The following SHOX2 variants were observed in gnomAD, a reference collection of about 807,000 sequenced individuals.
SHOX2 encodes the protein SHOX homeobox 2.
Under a neutral mutation model 31.3 loss-of-function variants are expected in SHOX2, and 13 were observed. The ratio of observed to expected loss-of-function variants is 0.42; its 90% CI spans 0.27 to 0.66. The LOEUF (loss-of-function observed/expected upper bound fraction) is 0.66, where lower values mean the gene tolerates loss of function less well. Among genes scored for constraint, SHOX2 ranks in the 30% least tolerant of loss-of-function variants. The probability of loss-of-function intolerance (pLI) is 0.27; values close to 1 mark genes in which losing one functional copy is unlikely to be tolerated. For missense variants in SHOX2, 473 were observed against 443.0 expected, an observed-to-expected ratio of 1.07 and a Z score of -0.61; for synonymous variants, 244 against 196.2, an observed-to-expected ratio of 1.24 and a Z score of -2.04.
chr3:158,101,914 A>G (rs1421651165), intron 2 of SHOX2, among the ~76,000 whole-genome samples: 2 of 152,310 alleles, frequency 1.3e-5, no homozygotes, highest in Admixed American at 6.5e-5. Context: ...TTTTGCTATT[A>G]CATTTGCCTC....
chr3:158,101,176 A>G (rs1713464130), intron 2 of SHOX2, among the ~76,000 whole-genome samples: 1 of 152,250 alleles, frequency 6.6e-6, no homozygotes, highest in African/African-American at 2.4e-5. Flanking sequence ...ATAATAAAGC[A>G]TATTGATTGA....
At position 158,102,733 on chromosome 3, in the gene SHOX2, G is replaced by T; in HGVS notation, c.500C>A (p.Ala167Asp). The change falls in exon 2 of 5, where the codon GCC becomes GAC. Residue 167 changes from alanine (A) to aspartate (D), a missense_variant. Around this residue, in one of 3 missense-constraint regions of SHOX2, gnomAD observed 15 missense variants for 45.8 expected, o/e 0.33. Transcript: ENST00000483851. ...CTGGCTCAGTTCCTCTCGCATGAAG[G>T]CGTCGGGATAGTGGGTCTCGTCAAA... is the stretch of plus-strand genomic sequence containing the variant. Reference protein sequence around the residue: ...RLFDETHYPDAFMREELSQRL... With the variant: ...RLFDETHYPDDFMREELSQRL... 6.2e-7 allele frequency: 1 copy of T among 1,614,118 alleles called. No individual in the cohort carries two copies. Among genetic ancestry groups the T allele is most frequent in the Non-Finnish European group, 8.5e-7 (1 of 1,180,046 alleles).
At chr3:158,099,682 G>A (rs1713366446) in intron 4 of SHOX2, among the ~76,000 whole-genome samples, 178 bp downstream of exon 4, 1 of 152,172 alleles carries the variant, frequency 6.6e-6, no homozygotes, top group African/African-American at 2.4e-5. Flanking sequence ...TAGGCATTCA[G>A]GCCTTTAATA....
rs763323181 is a variant in SHOX2, at chr3:158,105,957, A to G, written c.68T>C (p.Ile23Thr). Residue 23 changes from isoleucine to threonine, a missense_variant, in exon 1 of 5, where the codon ATC becomes ACC. By Grantham distance (89) the Ile-to-Thr change is moderately conservative. Coordinates refer to ENST00000483851, the MANE Select transcript of SHOX2 (RefSeq NM_001163678.2). Reference sequence around the variant, plus strand: ...GCTCTCCAGCACCTCCCGGTACGTGATCGCCTCCTTCTTCTCCTTCACTTT... The same window carrying G: ...GCTCTCCAGCACCTCCCGGTACGTGGTCGCCTCCTTCTTCTCCTTCACTTT... ...DQKVKEKKEA[I>T]TYREVLESGP... 54 of 1,612,402 alleles carry G rather than the reference A, an allele frequency of 3.3e-5. No homozygotes were observed. The highest frequency in any genetic ancestry group is 4.4e-5 in the Non-Finnish European group (52 of 1,179,674).
At position 158,098,344 on chromosome 3, in the gene SHOX2, C is replaced by A. The variant is rs1713271399; in HGVS notation, c.703-60G>T. ...TCCTAGGGTGACAACAGAATAGAAA[C>A]AGAGCATTAACGGCGTCCAGCTTGG... On this transcript the variant is annotated intron_variant, in intron 4 of 4. Coordinates refer to ENST00000483851, the MANE Select transcript of SHOX2 (RefSeq NM_001163678.2). 3 of 1,579,872 alleles carry A rather than the reference C, an allele frequency of 1.9e-6. No individual in the cohort carries two copies. In the Admixed American group the frequency reaches 5.2e-5, roughly 28 times the overall value.
chr3:158,106,010 C>A lies in SHOX2; in HGVS notation c.15G>T (p.Thr5=), dbSNP rs868566969. ...GGTCAAAAGACTTGGAGACGAACGC[C>A]GTAAGTTCTTCCATCGCCGCCGCAC... MEEL[T]AFVSKSFDQK... Residue 5 remains threonine, a synonymous_variant, in exon 1 of 5, where the codon ACG becomes ACT. Transcript: ENST00000483851. The A allele has an allele frequency of 2.5e-6, 4 of 1,612,922 alleles. No individual in the cohort carries two copies. Among genetic ancestry groups the A allele is most frequent in the Admixed American group, 3.3e-5 (2 of 59,978 alleles).
Position 158,096,126 on chromosome 3 carries a change from G to A in SHOX2, c.*1901C>T, listed in dbSNP as rs941155113. ...GCGACACATTTTGTACTGACAACAC[G>A]TCATGAGATAACATCTTTTGTTTAA... is the stretch of plus-strand genomic sequence containing the variant. On this transcript the variant is annotated 3_prime_UTR_variant, in exon 5 of 5. Coordinates refer to ENST00000483851, the MANE Select transcript of SHOX2 (RefSeq NM_001163678.2). 1 of 152,564 alleles carries A rather than the reference G, an allele frequency of 6.6e-6. No individual in the cohort carries two copies. The highest frequency in any genetic ancestry group is 2.4e-5 in the African/African-American group (1 of 41,430). The allele number at this position is 152,564 out of a possible 1,614,324, so 9.5% of individuals were successfully genotyped here.
In SHOX2 at chr3:158,102,540, T is replaced by C. The variant is rs1713557395; in HGVS notation, c.555+138A>G. The stretch of plus-strand genomic sequence containing the variant: ...AAGATCTACTTTGGAAAATAAGACC[T>C]CTAGTAAAGATATCTCTTTCCTTCT... On this transcript the variant is annotated intron_variant, in intron 2 of 4. Coordinates refer to ENST00000483851, the MANE Select transcript of SHOX2 (RefSeq NM_001163678.2). 4.5e-6 allele frequency: 3 copies of C among 671,788 alleles called. No homozygotes were observed. In the South Asian group the frequency reaches 5.5e-5, roughly 12 times the overall value. The allele number at this position is 671,788 out of a possible 1,614,324, so 41.6% of individuals were successfully genotyped here.
chr3:158,098,424 A>G (rs1713274998), intron 4 of SHOX2, 140 bp from the exon 5 acceptor site: 4 of 1,051,366 alleles, frequency 3.8e-6, no homozygotes. Flanking sequence ...TTGGCTGTGC[A>G]TCTTGTTCCG....
In SHOX2 at chr3:158,097,878, A is replaced by G. The variant is rs962845362; in HGVS notation, c.*149T>C. The G allele has an allele frequency of 6.7e-6, 7 of 1,049,652 alleles. No individual in the cohort carries two copies. The highest frequency in any genetic ancestry group is 2.3e-5 in the Admixed American group (1 of 42,924). 65.0% of individuals were successfully genotyped at this position (1,049,652 alleles called of 1,614,324 possible). Reference sequence around the variant, plus strand: ...CGTGGAGTCTGGCTTTCCGAGTCCAAGATGCGATAGGGGACGAGGGATGGT... The same window carrying G: ...CGTGGAGTCTGGCTTTCCGAGTCCAGGATGCGATAGGGGACGAGGGATGGT... On this transcript the variant is annotated 3_prime_UTR_variant, in exon 5 of 5. Coordinates refer to ENST00000483851, the MANE Select transcript of SHOX2 (RefSeq NM_001163678.2).
At chr3:158,105,564 G>A in intron 1 of SHOX2, 115 bp downstream of exon 1, 2 of 934,858 alleles carry the variant, frequency 2.1e-6, no homozygotes, top group Non-Finnish European at 3.1e-6. Flanking sequence ...CTGGGGTCCA[G>A]GGCCCTCTCC....
chr3:158,104,146 C>T (rs183458036), intron 1 of SHOX2: 1 of 152,416 alleles, frequency 6.6e-6, no homozygotes, highest in African/African-American at 2.4e-5. Context: ...AGCCGGTCTG[C>T]AGAGAAATTA....
chr3:158,100,335 A>T (rs1713422301), intron 2 of SHOX2, 24 bp from the exon 3 acceptor site: 1 of 1,566,170 alleles, frequency 6.4e-7, no homozygotes, highest in South Asian at 1.2e-5. Flanking sequence ...GGGGAAAAAA[A>T]ATAAAACCTA....
chr3:158,101,610 G>T (rs962297291), intron 2 of SHOX2, among the ~76,000 whole-genome samples: 1 of 151,108 alleles, frequency 6.6e-6, no homozygotes, highest in African/African-American at 2.4e-5. Flanking sequence ...TCCTGATCCT[G>T]TTACAAGATG....
rs1173233048 is a variant in SHOX2, at chr3:158,098,226, G to T, written c.761C>A (p.Pro254Gln). Residue 254 changes from proline (P) to glutamine (Q), a missense_variant, in exon 5 of 5, where the codon CCG (proline) becomes CAG (glutamine). Physicochemically the swap from Pro to Gln is moderately conservative, Grantham distance 76 (BLOSUM62 -1). Coordinates refer to ENST00000483851, the MANE Select transcript of SHOX2 (RefSeq NM_001163678.2). ...AVAHAHHHLH[P>Q]HLAAHAPYMM... is the part of the protein sequence containing the mutation. ...GTAGGGCGCGTGCGCGGCCAGGTGC[G>T]GATGCAGGTGGTGGTGCGCGTGCGC... The T allele has an allele frequency of 5.6e-6, 9 of 1,613,818 alleles. No homozygotes were observed. The highest frequency in any genetic ancestry group is 6.8e-6 in the Non-Finnish European group (8 of 1,179,934).
At chr3:158,100,959 TA>T (rs1422373421) in intron 2 of SHOX2, among the ~76,000 whole-genome samples, 1 of 152,002 alleles carries the variant, frequency 6.6e-6, no homozygotes, top group African/African-American at 2.4e-5. Flanking sequence ...AAAATGTAAA[TA>T]AAAGTATGAA....
chr3:158,096,903 T>TATATATATATATATGGCAAATATATG lies in SHOX2; in HGVS notation c.*1123_*1124insCATATATTTGCCATATATATATATAT, dbSNP rs1713128266. Reference sequence around the variant, plus strand: ...AAGACAGGGCAAATATATATATATATATATATATATATATATATATATATA... The same window carrying TATATATATATATATGGCAAATATATG: ...AAGACAGGGCAAATATATATATATATATATATATATATATGGCAAATATATGATATATATATATATATATATATATA... On this transcript the variant is annotated 3_prime_UTR_variant, in exon 5 of 5. Transcript: ENST00000483851. 9.9e-6 allele frequency: 1 copy of TATATATATATATATGGCAAATATATG among 100,572 alleles called. No homozygotes were observed. Among genetic ancestry groups the TATATATATATATATGGCAAATATATG allele is most frequent in the African/African-American group, 3.8e-5 (1 of 26,604 alleles). The allele number at this position is 100,572 out of a possible 1,614,324, so 6.2% of individuals were successfully genotyped here.
In SHOX2 at chr3:158,098,985, A is replaced by G. The variant is rs570731176; in HGVS notation, c.703-701T>C. On this transcript the variant is annotated intron_variant, in intron 4 of 4. Coordinates refer to ENST00000483851, the MANE Select transcript of SHOX2 (RefSeq NM_001163678.2). ...TCTTCAGTCATTCTCTCTTGTTTCC[A>G]AAGCCAAGCATCAGGATGCCAGAGT... Among the ~76,000 whole-genome samples the G allele has an allele frequency of 1.4e-3, 216 of 152,304 alleles. 1 individual carries two copies. The highest frequency in any genetic ancestry group is 5.0e-3 in the African/African-American group (209 of 41,572).
intron 1 of SHOX2, chr3:158,105,229 G>A: frequency 1.3e-6 from 1 of 742,692 alleles, no homozygotes; most frequent in South Asian, 1.5e-5. Context: ...TAGGCGACCG[G>A]AGGGTTAAGC....
Sources: allele counts gnomAD v4.1 joint callset (sites outside exome capture counted in the v4.1 genomes callset), GRCh38; gene constraint gnomAD v4.1.1; regional missense constraint gnomAD v4.1.1; transcripts MANE v1.5; gene names NCBI Gene and HGNC (gene_info 2026-07-23, HGNC 2026-07-21).